The following BIN2 variants were observed in gnomAD, a reference collection of about 807,000 sequenced individuals.
BIN2 encodes breast cancer associated protein BRAP1.
Under a neutral mutation model 67.9 loss-of-function variants are expected in BIN2, and 43 were observed. The observed-to-expected ratio is 0.63, with a 90% CI of 0.50 to 0.82. The LOEUF (loss-of-function observed/expected upper bound fraction) is 0.82. Among genes scored for constraint, BIN2 ranks in the 40% least tolerant of loss-of-function variants. The pLI is 0.00. For synonymous variants in BIN2, 244 were observed against 246.8 expected (o/e 0.99, Z 0.11); for missense variants, 581 against 671.6 (o/e 0.87, Z 1.49).
At chr12:51,319,130 T>A (rs538457442) in intron 1 of BIN2, among the ~76,000 whole-genome samples, 1 of 152,274 alleles carries the variant, frequency 6.6e-6, no homozygotes, top group East Asian at 1.9e-4. Flanking sequence ...CCTAATTTGG[T>A]TCTTCTTAGG....
chr12:51,318,301 G>A (rs988975343), intron 1 of BIN2, among the ~76,000 whole-genome samples: 8 of 143,024 alleles, frequency 5.6e-5, no homozygotes, highest in African/African-American at 7.9e-5. Context: ...TTGCTCTGTC[G>A]CCCAGGCTGG....
Position 51,291,831 on chromosome 12 carries a change from G to A in BIN2, c.1275C>T (p.Ser425=). ...GTATGTTCCCTGAGGAGGGCCTGGG[G>A]CTTGCAGTGGCTCTGGGTGGAGGAG... ...SRPPPPRATA[S]PRPSSGNIPS... is the part of the protein sequence containing the mutation. Residue 425 remains serine (S), a synonymous_variant, in exon 10 of 13, where the codon AGC becomes AGT. Coordinates refer to ENST00000615107, the MANE Select transcript of BIN2 (RefSeq NM_016293.4). 6.2e-7 allele frequency: 1 copy of A among 1,614,088 alleles called. No individual in the cohort carries two copies. Among genetic ancestry groups the A allele is most frequent in the Non-Finnish European group, 8.5e-7 (1 of 1,179,982 alleles).
intron 11 of BIN2, 145 bp from the exon 12 acceptor site, chr12:51,284,932 A>G: frequency 1.6e-6 from 1 of 610,472 alleles, no homozygotes; most frequent in South Asian, 2.0e-5. Context: ...GTTTCACCAG[A>G]GCCTGAAGGC....
intron 1 of BIN2, among the ~76,000 whole-genome samples, chr12:51,316,696 C>A (rs1180486384): frequency 3.9e-5 from 6 of 152,058 alleles, no homozygotes; most frequent in Admixed American, 3.9e-4. Context: ...TCTAGAATGC[C>A]TTTCCTCACC....
intron 1 of BIN2, among the ~76,000 whole-genome samples, chr12:51,316,719 C>G (rs960365041): frequency 6.6e-6 from 1 of 152,082 alleles, no homozygotes; most frequent in Non-Finnish European, 1.5e-5. Flanking sequence ...GTCTGCCAGG[C>G]AAGTATCTTA....
intron 1 of BIN2, among the ~76,000 whole-genome samples, chr12:51,320,562 C>T (rs180688548): frequency 1.3e-5 from 2 of 151,888 alleles, no homozygotes; most frequent in South Asian, 2.1e-4. Flanking sequence ...TAAAACCTCT[C>T]GATTCTCCCC....
At chr12:51,313,706 G>C (rs145821153) in intron 2 of BIN2, 117 bp downstream of exon 2, 8 of 908,504 alleles carry the variant, frequency 8.8e-6, no homozygotes, top group Non-Finnish European at 1.1e-5. Flanking sequence ...TTAACCCTAG[G>C]GGGAGGGTGG....
upstream of BIN2, chr12:51,324,348 G>C (rs1320651023): frequency 7.6e-7 from 1 of 1,319,116 alleles, no homozygotes. Context: ...CAGCTTCCGA[G>C]CTCCAACCCC....
At chr12:51,320,835 G>A (rs1373367957) in intron 1 of BIN2, among the ~76,000 whole-genome samples, 3 of 151,640 alleles carry the variant, frequency 2.0e-5, no homozygotes, top group Non-Finnish European at 2.9e-5. Context: ...GGTAAACAAC[G>A]CCCCTTCTCA....
intron 10 of BIN2, among the ~76,000 whole-genome samples, chr12:51,290,718 G>A (rs1945357723): frequency 6.6e-6 from 1 of 151,970 alleles, no homozygotes; most frequent in Non-Finnish European, 1.5e-5. Flanking sequence ...TAGATCACAA[G>A]GTCAGGAGAT....
chr12:51,286,315 T>C (rs1012380873), intron 11 of BIN2, among the ~76,000 whole-genome samples: 1 of 152,170 alleles, frequency 6.6e-6, no homozygotes, highest in African/African-American at 2.4e-5. Flanking sequence ...GTTGCTTAAT[T>C]CTACAGGAAA....
intron 11 of BIN2, among the ~76,000 whole-genome samples, chr12:51,285,215 G>A (rs952934131): frequency 6.6e-6 from 1 of 152,186 alleles, no homozygotes; most frequent in Admixed American, 6.5e-5. Flanking sequence ...CACGCAGTTA[G>A]GAGAAGCAAG....
At chr12:51,301,023 G>T (rs1945708120) in intron 5 of BIN2, among the ~76,000 whole-genome samples, 1 of 152,150 alleles carries the variant, frequency 6.6e-6, no homozygotes. Context: ...TTTGAGACCA[G>T]CCTGGACAAC....
chr12:51,292,919 C>T (rs1945428983), intron 9 of BIN2, among the ~76,000 whole-genome samples: 1 of 152,020 alleles, frequency 6.6e-6, no homozygotes, highest in Non-Finnish European at 1.5e-5. Context: ...GTGCTAAGTG[C>T]AAAAAGACTG....
Position 51,291,877 on chromosome 12 carries a change from G to A in BIN2, c.1229C>T (p.Thr410Ile). Reference protein sequence around the residue: ...QPKKRASIQRTSAPPSRPPPP... With the variant: ...QPKKRASIQRISAPPSRPPPP... ...AGGAGGCCTACTAGGGGGTGCTGAG[G>A]TCCTCTGGATAGAGGCTCTCTTCTT... The change falls in exon 10 of 13, where the codon ACC (threonine) becomes ATC (isoleucine). Residue 410 changes from threonine to isoleucine, a missense_variant. By Grantham distance (89) the Thr-to-Ile change is moderately conservative (BLOSUM62 -1). Transcript: ENST00000615107. 6.2e-7 allele frequency: 1 copy of A among 1,614,190 alleles called. No homozygotes were observed. Among genetic ancestry groups the A allele is most frequent in the Non-Finnish European group, 8.5e-7 (1 of 1,180,028 alleles).
intron 5 of BIN2, 101 bp downstream of exon 5, chr12:51,301,919 T>A (rs191722422): frequency 3.7e-6 from 3 of 816,420 alleles, no homozygotes; most frequent in Non-Finnish European, 6.0e-6. Flanking sequence ...AACTTCATTC[T>A]TAATCGTGAG....
At position 51,291,968 on chromosome 12, in the gene BIN2, G is replaced by C. The variant is rs1945395149; in HGVS notation, c.1138C>G (p.Pro380Ala). The stretch of plus-strand genomic sequence containing the variant: ...ACTACTTCTGTGGCAGATGATGAAG[G>C]CTGCCCTGAAGGGCTCAGGGCTCCG... Reference protein sequence around the residue: ...PGGALSPSGQPSSSATEVVLR... With the variant: ...PGGALSPSGQASSSATEVVLR... Residue 380 changes from proline to alanine, a missense_variant, in exon 10 of 13, where the codon CCT becomes GCT. By Grantham distance (27) the Pro-to-Ala change is conservative. Transcript: ENST00000615107. 11 of 1,614,154 alleles carry C rather than the reference G, an allele frequency of 6.8e-6. No individual in the cohort carries two copies. Among genetic ancestry groups the C allele is most frequent in the Admixed American group, 1.7e-5 (1 of 60,016 alleles).
intron 2 of BIN2, among the ~76,000 whole-genome samples, chr12:51,312,785 A>G (rs974310311): frequency 1.1e-4 from 16 of 152,210 alleles, no homozygotes; most frequent in Admixed American, 4.6e-4. Context: ...CAAAAGTAAG[A>G]TTCCCAGGCC....
intron 12 of BIN2, among the ~76,000 whole-genome samples, chr12:51,281,757 C>CT (rs1373208867): frequency 1.3e-5 from 2 of 151,344 alleles, no homozygotes; most frequent in East Asian, 1.9e-4. Context: ...AGGAGAATTT[C>CT]TTTTTTTTTC....
Sources: gnomAD v4.1 joint callset for allele counts (sites outside exome capture counted in the v4.1 genomes callset) on GRCh38, gnomAD v4.1.1 for gene constraint, MANE v1.5 for transcripts, NCBI Gene and HGNC (gene_info 2026-07-23, HGNC 2026-07-21) for gene names.